Variants in CDC42SE2 observed in about 807,000 individuals in gnomAD.
The protein encoded by CDC42SE2 is CDC42 small effector protein 2.
Under a neutral mutation model 11.5 loss-of-function variants are expected in CDC42SE2, and 3 were observed. The ratio of observed to expected loss-of-function variants is 0.26; its 90% confidence interval spans 0.12 to 0.67. The LOEUF (loss-of-function observed/expected upper bound fraction) is 0.67. Ranked by LOEUF, CDC42SE2 falls within the 30% of genes least tolerant of loss-of-function variation. CDC42SE2 has a pLI of 0.80. For synonymous variants in CDC42SE2, 33 were observed against 34.8 expected (o/e 0.95, Z 0.18); for missense variants, 82 against 106.8 (o/e 0.77, Z 1.02).
intron 1 of CDC42SE2, among the ~76,000 whole-genome samples, chr5:131,314,940 A>G (rs1170419387): frequency 6.6e-6 from 1 of 152,196 alleles, no homozygotes; most frequent in Non-Finnish European, 1.5e-5. Flanking sequence ...ATTATGAAGG[A>G]TGAATTGCTG....
intron 3 of CDC42SE2, among the ~76,000 whole-genome samples, chr5:131,378,749 C>T (rs973199349): frequency 6.6e-6 from 1 of 152,200 alleles, no homozygotes; most frequent in African/African-American, 2.4e-5. Context: ...TACAACTTCT[C>T]AAACTGTGGA....
At position 131,338,709 on chromosome 5, in the gene CDC42SE2, G is replaced by C. The variant is rs1200648376; in HGVS notation, c.-285-20500G>C. ...TAAGTAACTTGCCCAAGATCCTAGA[G>C]ATACTGAGCGGAGGGATCCAGAATT... is the stretch of plus-strand genomic sequence containing the variant. On this transcript the variant is annotated intron_variant, in intron 2 of 4. Coordinates refer to ENST00000505065, the MANE Select transcript of CDC42SE2 (RefSeq NM_001375635.1). Among the ~76,000 whole-genome samples, 5 of 152,198 alleles carry C rather than the reference G, an allele frequency of 3.3e-5. No individual in the cohort carries two copies. The East Asian group carries it at 7.7e-4, about 23-fold the overall frequency.
In CDC42SE2 at chr5:131,307,948, C is replaced by T. The variant is rs1184351508; in HGVS notation, c.-454-8028C>T. Among the ~76,000 whole-genome samples, 7 of 152,166 alleles carry T rather than the reference C, an allele frequency of 4.6e-5. No homozygotes were observed. In the East Asian group the frequency reaches 9.6e-4, roughly 21 times the overall value. On this transcript the variant is annotated intron_variant, in intron 1 of 4. Coordinates refer to ENST00000505065, the MANE Select transcript of CDC42SE2 (RefSeq NM_001375635.1). ...TTGCTTGTAAATTTGTTTGAGTTCCCTGTAGATTCTGGATATTAGCCCTTT... is the reference window on the plus strand; with the variant it reads ...TTGCTTGTAAATTTGTTTGAGTTCCTTGTAGATTCTGGATATTAGCCCTTT...
chr5:131,263,869 A>T (rs1034495956), upstream of CDC42SE2: 3 of 152,276 alleles, frequency 2.0e-5, no homozygotes, highest in East Asian at 3.9e-4. Flanking sequence ...CGGGGGTCCC[A>T]TCGCCTGCCG....
At chr5:131,354,466 T>C (rs1749471417) in intron 2 of CDC42SE2, among the ~76,000 whole-genome samples, 1 of 152,178 alleles carries the variant, frequency 6.6e-6, no homozygotes, top group Non-Finnish European at 1.5e-5. Context: ...TTTATATGTA[T>C]GTATGCATCT....
At chr5:131,270,620 C>G (rs1170632013) in intron 1 of CDC42SE2, among the ~76,000 whole-genome samples, 3 of 152,160 alleles carry the variant, frequency 2.0e-5, no homozygotes, top group Non-Finnish European at 4.4e-5. Flanking sequence ...AAAACTCTCC[C>G]TGTAGACTAA....
chr5:131,232,953 T>G, the CDC42SE2 span, among the ~76,000 whole-genome samples: 1 of 151,498 alleles, frequency 6.6e-6, no homozygotes, highest in African/African-American at 2.4e-5. Context: ...AAGAAAAAAA[T>G]TTTTTGAAAG....
chr5:131,356,791 C>A (rs180809336), intron 2 of CDC42SE2, among the ~76,000 whole-genome samples: 1 of 152,004 alleles, frequency 6.6e-6, no homozygotes, highest in Non-Finnish European at 1.5e-5. Flanking sequence ...ATCTGTAGTC[C>A]CAGCTACTTG....
chr5:131,322,438 C>T (rs1429326570), intron 2 of CDC42SE2, among the ~76,000 whole-genome samples: 3 of 152,164 alleles, frequency 2.0e-5, no homozygotes, highest in Non-Finnish European at 4.4e-5. Context: ...TTGTGACTGG[C>T]TTATTTCACT....
intron 1 of CDC42SE2, among the ~76,000 whole-genome samples, chr5:131,269,892 C>G (rs1031024042): frequency 6.6e-6 from 1 of 151,182 alleles, no homozygotes; most frequent in Non-Finnish European, 1.5e-5. Flanking sequence ...GAAACCCCAT[C>G]TCTACTAAAA....
At chr5:131,262,289 G>A (rs2149686700), upstream of CDC42SE2, among the ~76,000 whole-genome samples, 1 of 151,668 alleles carries the variant, frequency 6.6e-6, no homozygotes, top group East Asian at 1.9e-4. Flanking sequence ...TCAAAAAACT[G>A]CATTAAAAGT....
intron 1 of CDC42SE2, among the ~76,000 whole-genome samples, chr5:131,279,430 T>C (rs1757187567): frequency 6.6e-6 from 1 of 150,862 alleles, no homozygotes; most frequent in South Asian, 2.1e-4. Context: ...TTCAGTTTGT[T>C]ATATAGCATT....
intron 1 of CDC42SE2, among the ~76,000 whole-genome samples, chr5:131,273,051 C>CAT (rs1757026012): frequency 6.6e-6 from 1 of 151,948 alleles, no homozygotes; most frequent in East Asian, 1.9e-4. Flanking sequence ...GTTTCAGGGA[C>CAT]ATATGTTTAG....
intron 3 of CDC42SE2, among the ~76,000 whole-genome samples, chr5:131,368,579 T>C (rs1477690625): frequency 4.6e-5 from 7 of 152,206 alleles, no homozygotes; most frequent in Admixed American, 4.6e-4. Context: ...CTGTATTGAA[T>C]ATAATTCCCA....
upstream of CDC42SE2, among the ~76,000 whole-genome samples, chr5:131,261,049 C>G (rs1205869134): frequency 6.6e-6 from 1 of 152,198 alleles, no homozygotes; most frequent in East Asian, 1.9e-4. Flanking sequence ...GCCAATGTGG[C>G]TGTTATATGA....
chr5:131,227,748 TA>T, the CDC42SE2 span, among the ~76,000 whole-genome samples: 303 of 151,726 alleles, frequency 2.0e-3, 2 homozygotes, highest in African/African-American at 6.7e-3. Flanking sequence ...TAAAGAAGTT[TA>T]AAAAAGGAAA....
chr5:131,277,584 C>T (rs1044873698), intron 1 of CDC42SE2, among the ~76,000 whole-genome samples: 6 of 152,208 alleles, frequency 3.9e-5, no homozygotes, highest in African/African-American at 1.4e-4. Flanking sequence ...AGCCTATTAT[C>T]TCACCTTTGC....
Position 131,351,021 on chromosome 5 carries a change from C to T in CDC42SE2, c.-285-8188C>T, listed in dbSNP as rs1224949600. On this transcript the variant is annotated intron_variant, in intron 2 of 4. Transcript: ENST00000505065. Reference sequence around the variant, plus strand: ...AGTACAGTGTTACAGTCATGGCTCACTGCAGCCTCAACCTCCCAGGCTCAA... The same window carrying T: ...AGTACAGTGTTACAGTCATGGCTCATTGCAGCCTCAACCTCCCAGGCTCAA... Among the ~76,000 whole-genome samples the T allele has an allele frequency of 2.6e-5, 4 of 152,278 alleles. No individual in the cohort carries two copies. The East Asian group carries it at 7.7e-4, about 29-fold the overall frequency.
At chr5:131,284,894 G>C (rs1245923033) in intron 1 of CDC42SE2, among the ~76,000 whole-genome samples, 1 of 151,942 alleles carries the variant, frequency 6.6e-6, no homozygotes, top group Admixed American at 6.6e-5. Context: ...GGTGGTGTGC[G>C]CTTTAGTCCC....
Sources: gnomAD v4.1 joint callset for allele counts (sites outside exome capture counted in the v4.1 genomes callset) on GRCh38, gnomAD v4.1.1 for gene constraint, MANE v1.5 for transcripts, NCBI Gene and HGNC (gene_info 2026-07-23, HGNC 2026-07-21) for gene names.